The following WWC1 variants were observed in gnomAD, a reference collection of about 807,000 sequenced individuals.
WWC1 encodes WW and C2 domain containing 1.
WWC1 carries 55 observed loss-of-function variants against 138.4 expected under a neutral mutation model. The observed-to-expected ratio is 0.40, with a 90% CI of 0.32 to 0.50. The LOEUF (loss-of-function observed/expected upper bound fraction) is 0.50, where lower values mean the gene tolerates loss of function less well. Ranked by LOEUF, WWC1 falls within the 20% of genes least tolerant of loss-of-function variation. WWC1 has a pLI of 0.72. For synonymous variants in WWC1, 524 were observed against 564.9 expected (o/e 0.93, Z 1.03); for missense variants, 1,226 against 1,420.4 (o/e 0.86, Z 2.20).
chr5:168,468,347 C>G (rs534287871), intron 22 of WWC1, among the ~76,000 whole-genome samples: 2 of 152,148 alleles, frequency 1.3e-5, no homozygotes, highest in South Asian at 4.2e-4. Flanking sequence ...GCTAGGATCT[C>G]AGGGAGGTGC....
rs1554115980 is a variant in WWC1 at position 168,454,010 on chromosome 5, A to AGAGGAGGAGGAGGTG, written c.2582_2596dup (p.Val861_Glu865dup). On this transcript the variant is annotated inframe_insertion, in exon 18 of 23. Transcript: ENST00000265293. ...GTGAGAATGAGGCAGTAGCCGAGGA[A>AGAGGAGGAGGAGGTG]GAGGAGGAGGAGGTGGAGGAGGAGG... 38 of 1,594,822 alleles carry AGAGGAGGAGGAGGTG rather than the reference A, an allele frequency of 2.4e-5. No individual in the cohort carries two copies. In the South Asian group the frequency reaches 4.1e-4, roughly 17 times the overall value.
intron 17 of WWC1, among the ~76,000 whole-genome samples, chr5:168,449,739 A>C (rs1370293806): frequency 6.6e-6 from 1 of 151,852 alleles, no homozygotes; most frequent in Non-Finnish European, 1.5e-5. Flanking sequence ...ACGCCTGGCT[A>C]CGTTTGTATT....
At chr5:168,357,780 G>A (rs1775577297) in intron 1 of WWC1, among the ~76,000 whole-genome samples, 1 of 152,118 alleles carries the variant, frequency 6.6e-6, no homozygotes, top group Admixed American at 6.5e-5. Context: ...TCCCTTCAGG[G>A]AATAACATTC....
At chr5:168,452,375 C>A (rs1403070075) in intron 17 of WWC1, among the ~76,000 whole-genome samples, 1 of 152,108 alleles carries the variant, frequency 6.6e-6, no homozygotes, top group Non-Finnish European at 1.5e-5. Context: ...GTGGTTAACA[C>A]GAGACCATTG....
intron 1 of WWC1, among the ~76,000 whole-genome samples, chr5:168,332,492 A>G (rs1369895509): frequency 6.6e-6 from 1 of 152,146 alleles, no homozygotes; most frequent in East Asian, 1.9e-4. Flanking sequence ...GAATATGTGT[A>G]TGTATTTGAT....
chr5:168,394,116 G>A (rs1778710648), intron 3 of WWC1, among the ~76,000 whole-genome samples: 1 of 152,154 alleles, frequency 6.6e-6, no homozygotes, highest in Non-Finnish European at 1.5e-5. Flanking sequence ...GGCTGGGGAA[G>A]GGAAGGAAGG....
At chr5:168,441,628 A>G in intron 15 of WWC1, 54 bp from the exon 16 acceptor site, 1 of 1,585,556 alleles carries the variant, frequency 6.3e-7, no homozygotes, top group South Asian at 1.2e-5. Context: ...ATTCCCTGAC[A>G]CCTGGTGTCC....
chr5:168,300,877 G>A (rs1770005859), intron 1 of WWC1, among the ~76,000 whole-genome samples: 1 of 152,212 alleles, frequency 6.6e-6, no homozygotes, highest in African/African-American at 2.4e-5. Context: ...GCAGGCATCA[G>A]GTGGCTGCTA....
At chr5:168,321,129 C>T (rs1044586630) in intron 1 of WWC1, among the ~76,000 whole-genome samples, 4 of 152,138 alleles carry the variant, frequency 2.6e-5, no homozygotes, top group South Asian at 2.1e-4. Flanking sequence ...CATACAGTGC[C>T]GTATTTGGTA....
intron 17 of WWC1, among the ~76,000 whole-genome samples, chr5:168,445,168 G>A (rs1379575437): frequency 1.3e-5 from 2 of 150,194 alleles, no homozygotes; most frequent in Non-Finnish European, 3.0e-5. Flanking sequence ...ACAAAAATTA[G>A]CTGGGCATGG....
intron 2 of WWC1, among the ~76,000 whole-genome samples, chr5:168,377,378 T>C (rs1777270204): frequency 6.6e-6 from 1 of 152,130 alleles, no homozygotes; most frequent in South Asian, 2.1e-4. Context: ...TGAGAAAGAA[T>C]TTATGAGTAA....
At chr5:168,373,355 T>C (rs1228604512) in intron 2 of WWC1, among the ~76,000 whole-genome samples, 2 of 151,458 alleles carry the variant, frequency 1.3e-5, no homozygotes, top group African/African-American at 4.9e-5. Flanking sequence ...TGTATGGGGG[T>C]GATTAAATGG....
intron 8 of WWC1, 62 bp downstream of exon 8, chr5:168,410,057 C>T: frequency 3.3e-6 from 5 of 1,501,968 alleles, no homozygotes; most frequent in Non-Finnish European, 4.6e-6. Flanking sequence ...TTGTAGAATG[C>T]CTGCTCTGTG....
At chr5:168,387,908 T>TTC (rs35537451) in intron 3 of WWC1, among the ~76,000 whole-genome samples, 45 of 151,238 alleles carry the variant, frequency 3.0e-4, no homozygotes, top group African/African-American at 9.7e-4. Context: ...GCAAAGTGAT[T>TTC]TCTCTCTCTC....
intron 1 of WWC1, among the ~76,000 whole-genome samples, chr5:168,307,361 A>G (rs753668428): frequency 2.4e-4 from 37 of 152,296 alleles, no homozygotes; most frequent in African/African-American, 5.8e-4. Flanking sequence ...GATTTAGACT[A>G]GAGCGTCTTT....
At chr5:168,372,019 TGGC>T (rs1401780131) in intron 2 of WWC1, among the ~76,000 whole-genome samples, 1 of 131,216 alleles carries the variant, frequency 7.6e-6, no homozygotes, top group African/African-American at 2.9e-5. Flanking sequence ...CATAGTGAAT[TGGC>T]GAGAGAGAGA....
Position 168,423,828 on chromosome 5 carries a change from C to T in WWC1, c.1570C>T (p.Leu524=). 6.2e-7 allele frequency: 1 copy of T among 1,614,186 alleles called. No individual in the cohort carries two copies. The highest frequency in any genetic ancestry group is 8.5e-7 in the Non-Finnish European group (1 of 1,180,024). Residue 524 remains leucine, a synonymous_variant, in exon 11 of 23, where the codon CTG becomes TTG. Coordinates refer to ENST00000265293, the MANE Select transcript of WWC1 (RefSeq NM_015238.3). ...GGGRLQALRS[L]SGTPKSMTSL... is the part of the protein sequence containing the mutation. ...TGGCCGCCTGCAGGCTCTGCGTTCC[C>T]TGTCTGGCACCCCAAAGTCCATGAC...
intron 18 of WWC1, among the ~76,000 whole-genome samples, chr5:168,454,693 G>A (rs974306217): frequency 3.3e-5 from 5 of 152,198 alleles, no homozygotes; most frequent in African/African-American, 4.8e-5. Context: ...GCCTGGACAC[G>A]GCAGGTGCAG....
intron 1 of WWC1, among the ~76,000 whole-genome samples, chr5:168,356,207 C>G (rs1232800989): frequency 6.6e-6 from 1 of 152,224 alleles, no homozygotes; most frequent in East Asian, 1.9e-4. Context: ...CATTACGTCG[C>G]TGAAGAGCGT....
Sources: allele counts gnomAD v4.1 joint callset (sites outside exome capture counted in the v4.1 genomes callset), GRCh38; gene constraint gnomAD v4.1.1; transcripts MANE v1.5; gene names NCBI Gene and HGNC (gene_info 2026-07-23, HGNC 2026-07-21).